Variants in MROH9 observed in about 807,000 individuals in gnomAD.
The protein encoded by MROH9 is maestro heat-like repeat-containing protein family member 9.
In MROH9, 92 loss-of-function variants were observed where a neutral mutation model predicts 98.2. The observed-to-expected ratio is 0.94, with a 90% CI of 0.79 to 1.11. MROH9 has a LOEUF of 1.11. MROH9 is among the 50% of genes most tolerant of loss of function. MROH9 has a pLI of 0.00. For synonymous variants in MROH9, 397 were observed against 368.9 expected (o/e 1.08, Z -0.87); for missense variants, 1,057 against 1,014.8 (o/e 1.04, Z -0.57).
intron 1 of MROH9, among the ~76,000 whole-genome samples, chr1:170,940,654 G>C (rs1470193865): frequency 2.0e-5 from 3 of 152,228 alleles, no homozygotes; most frequent in African/African-American, 7.2e-5. Context: ...ACTGCATTTA[G>C]AGTTACCACC....
At chr1:171,005,711 C>T (rs1427953008) in intron 15 of MROH9, among the ~76,000 whole-genome samples, 2 of 152,130 alleles carry the variant, frequency 1.3e-5, no homozygotes, top group Non-Finnish European at 2.9e-5. Context: ...ATCATGGCAT[C>T]TGCAAAGACA....
At chr1:171,015,145 G>A (rs570598464) in intron 16 of MROH9, 10 of 445,316 alleles carry the variant, frequency 2.2e-5, no homozygotes, top group Non-Finnish European at 4.6e-5. Flanking sequence ...TTTATCTAAT[G>A]AGCATAGTCT....
intron 20 of MROH9, among the ~76,000 whole-genome samples, chr1:171,047,799 T>C (rs1481327432): frequency 6.6e-6 from 1 of 152,128 alleles, no homozygotes; most frequent in Non-Finnish European, 1.5e-5. Context: ...TAGCTGTCCT[T>C]CTTGGGAAGG....
At chr1:170,962,183 A>G (rs905632866) in intron 6 of MROH9, among the ~76,000 whole-genome samples, 2 of 152,194 alleles carry the variant, frequency 1.3e-5, no homozygotes, top group African/African-American at 4.8e-5. Flanking sequence ...TGGGAAGGAC[A>G]GCATCAACAG....
chr1:171,002,137 G>A (rs1009957716), intron 15 of MROH9, among the ~76,000 whole-genome samples: 2 of 152,110 alleles, frequency 1.3e-5, no homozygotes, highest in South Asian at 4.1e-4. Flanking sequence ...GAGTCCTTAT[G>A]TGTTAGGTCA....
chr1:170,999,318 C>A (rs28528361), intron 15 of MROH9, among the ~76,000 whole-genome samples: 2,575 of 151,972 alleles, frequency 0.017, 187 homozygotes, highest in Admixed American at 0.12. Context: ...CAGCTCTCTC[C>A]CACTCTTTCC....
rs1176727612 is a variant in MROH9, at chr1:170,963,676, T to G, written c.376-1475T>G. ...CATACAAAAGAATAAGATTATGTACTTTGCAGGAATTTGGATGGAGCTGGA... is the reference window on the plus strand; with the variant it reads ...CATACAAAAGAATAAGATTATGTACGTTGCAGGAATTTGGATGGAGCTGGA... On this transcript the variant is annotated intron_variant, in intron 6 of 21. Transcript: ENST00000367759. Among the ~76,000 whole-genome samples the G allele has an allele frequency of 6.6e-5, 10 of 152,282 alleles. No individual in the cohort carries two copies. In the East Asian group the frequency reaches 1.9e-3, roughly 29 times the overall value.
At chr1:170,943,488 A>G (rs1435452358) in intron 1 of MROH9, among the ~76,000 whole-genome samples, 1 of 152,022 alleles carries the variant, frequency 6.6e-6, no homozygotes, top group East Asian at 1.9e-4. Context: ...TTTTAACAAA[A>G]TGTGCCATGA....
chr1:170,983,900 T>A (rs571088473), intron 9 of MROH9, among the ~76,000 whole-genome samples: 26 of 152,310 alleles, frequency 1.7e-4, no homozygotes, highest in Admixed American at 4.6e-4. Context: ...TCCAATACTA[T>A]CATAATTTAA....
At chr1:171,017,317 G>A (rs572608663) in intron 17 of MROH9, among the ~76,000 whole-genome samples, 2 of 152,216 alleles carry the variant, frequency 1.3e-5, no homozygotes, top group African/African-American at 4.8e-5. Flanking sequence ...GCAGTGTGGT[G>A]TGGAGGCCTA....
chr1:170,959,506 T>C lies in MROH9; in HGVS notation c.197T>C (p.Ile66Thr). Reference protein sequence around the residue: ...LLQFESQLKIIESSFGMLVVM... With the variant: ...LLQFESQLKITESSFGMLVVM... ...CAGTTTGAATCTCAGTTGAAGATAA[T>C]AGAGTCATCCTTTGGAATGCTAGTT... Residue 66 changes from isoleucine (I) to threonine (T), a missense_variant, in exon 5 of 22, where the codon ATA (isoleucine) becomes ACA (threonine). Transcript: ENST00000367759. 6.2e-7 allele frequency: 1 copy of C among 1,613,618 alleles called. No individual in the cohort carries two copies. The highest frequency in any genetic ancestry group is 8.5e-7 in the Non-Finnish European group (1 of 1,179,758).
chr1:171,054,348 A>G (rs1199378562), intron 20 of MROH9, among the ~76,000 whole-genome samples: 2 of 152,214 alleles, frequency 1.3e-5, no homozygotes, highest in Admixed American at 6.5e-5. Flanking sequence ...TGAAAAGTGG[A>G]TTCTCATCTC....
chr1:171,030,509 G>A lies in MROH9; in HGVS notation c.2281+5089G>A, dbSNP rs544910051. On this transcript the variant is annotated intron_variant, in intron 20 of 21. Transcript: ENST00000367759. ...GTCCCATGTTCTCATTAGTTTCAAA[G>A]AACTTCTTGATTTCTGCCCTAATTT... 6.0e-4 allele frequency among the ~76,000 whole-genome samples: 91 copies of A among 152,240 alleles called. 1 individual carries two copies. Among genetic ancestry groups the A allele is most frequent in the African/African-American group, 2.1e-3 (86 of 41,544 alleles).
chr1:170,975,677 T>C (rs893010360), intron 8 of MROH9, among the ~76,000 whole-genome samples: 1 of 151,882 alleles, frequency 6.6e-6, no homozygotes, highest in Non-Finnish European at 1.5e-5. Context: ...CTTAAGAAAA[T>C]GACCTTTTTT....
Position 171,024,506 on chromosome 1 carries a change from CT to C in MROH9, c.2021del (p.Leu674GlnfsTer12). 4 of 1,540,394 alleles carry C rather than the reference CT, an allele frequency of 2.6e-6. No individual in the cohort carries two copies. The highest frequency in any genetic ancestry group is 1.2e-5 in the South Asian group (1 of 81,576). ...NDVVLEGLVP[L>X]ILFLEDDDKR... Reference sequence around the variant, plus strand: ...TGTGGTTCTAGAAGGCTTGGTGCCCCTAATCCTATTTTTGGAGGATGATGAT... The same window carrying C: ...TGTGGTTCTAGAAGGCTTGGTGCCCCAATCCTATTTTTGGAGGATGATGAT... On this transcript the variant is annotated frameshift_variant, in exon 18 of 22. Transcript: ENST00000367759. LOFTEE classifies it high-confidence loss of function.
intron 8 of MROH9, among the ~76,000 whole-genome samples, chr1:170,977,890 G>A (rs1232738410): frequency 6.6e-6 from 1 of 152,168 alleles, no homozygotes; most frequent in Admixed American, 6.5e-5. Context: ...CTGTGCTGTG[G>A]GCCCAAGCTA....
chr1:171,025,128 G>C (rs776406113), intron 19 of MROH9, among the ~76,000 whole-genome samples, 190 bp from the exon 20 acceptor site: 1 of 152,182 alleles, frequency 6.6e-6, no homozygotes, highest in Non-Finnish European at 1.5e-5. Context: ...TGATAGCCAA[G>C]TGGGGATGGA....
chr1:170,941,733 C>A (rs1182454341), intron 1 of MROH9, among the ~76,000 whole-genome samples: 1 of 152,174 alleles, frequency 6.6e-6, no homozygotes, highest in Non-Finnish European at 1.5e-5. Context: ...CAGAAAAGAG[C>A]AAGCACAGAG....
rs555162504 is a variant in MROH9 at position 171,028,780 on chromosome 1, C to T, written c.2281+3360C>T. ...CTGTATTCCTAGATTTTATTTTCTTCGTAGCGATTATGAATGGGAGTTCAC... is the reference window on the plus strand; with the variant it reads ...CTGTATTCCTAGATTTTATTTTCTTTGTAGCGATTATGAATGGGAGTTCAC... On this transcript the variant is annotated intron_variant, in intron 20 of 21. Coordinates refer to ENST00000367759, the MANE Select transcript of MROH9 (RefSeq NM_001163629.2). 2.7e-4 allele frequency among the ~76,000 whole-genome samples: 41 copies of T among 152,090 alleles called. 1 individual carries two copies. The South Asian group carries it at 5.6e-3, about 21-fold the overall frequency.
Sources: gnomAD v4.1 joint callset for allele counts (sites outside exome capture counted in the v4.1 genomes callset) on GRCh38, gnomAD v4.1.1 for gene constraint, MANE v1.5 for transcripts, NCBI Gene and HGNC (gene_info 2026-07-23, HGNC 2026-07-21) for gene names.